Variants in TPRG1 observed in about 807,000 individuals in gnomAD.
TPRG1 encodes the protein tumor protein p63-regulated gene 1 protein.
TPRG1 carries 29 observed loss-of-function variants against 29.3 expected under a neutral mutation model. The observed-to-expected ratio is 0.99, with a 90% CI of 0.74 to 1.35. The LOEUF is 1.35. Ranked by LOEUF, TPRG1 falls within the 40% of genes most tolerant of loss-of-function variation. The pLI, the probability that TPRG1 is intolerant of heterozygous loss-of-function variation, is 0.00. For missense variants in TPRG1, 327 were observed against 335.0 expected (o/e 0.98, Z 0.19); for synonymous variants, 130 against 116.8 (o/e 1.11, Z -0.73).
chr3:189,278,433 C>T (rs1030284263), intron 4 of TPRG1, among the ~76,000 whole-genome samples: 7 of 152,102 alleles, frequency 4.6e-5, no homozygotes, highest in Non-Finnish European at 8.8e-5. Context: ...GATTGCTTTA[C>T]GTACTGTGAG....
chr3:189,252,413 T>C (rs1254784052), intron 4 of TPRG1, among the ~76,000 whole-genome samples: 2 of 152,200 alleles, frequency 1.3e-5, no homozygotes, highest in East Asian at 3.9e-4. Flanking sequence ...CCAGGGTAAC[T>C]AGTAGCTAGT....
chr3:189,146,336 A>G (rs1317383738), intron 3 of TPRG1, among the ~76,000 whole-genome samples: 2 of 152,244 alleles, frequency 1.3e-5, no homozygotes, highest in African/African-American at 4.8e-5. Context: ...AGGCGCCCGT[A>G]AGTCTCTCTG....
chr3:189,029,364 G>A (rs900326221), intron 4 of TPRG1, among the ~76,000 whole-genome samples: 4 of 152,102 alleles, frequency 2.6e-5, no homozygotes, highest in African/African-American at 9.7e-5. Flanking sequence ...ATAGAATGTC[G>A]ATGTTATAAA....
At position 189,286,368 on chromosome 3, in the gene TPRG1, CAGA is replaced by C. The variant is rs2109170254; in HGVS notation, c.480-24015_480-24013del. ...GTTCACTTCCTTCCTGTCTCCATGC[CAGA>C]AGGTAAGCTGTATGAGAACTGAGAT... On this transcript the variant is annotated intron_variant, in intron 4 of 5. Transcript: ENST00000345063. 2.0e-5 allele frequency among the ~76,000 whole-genome samples: 3 copies of C among 152,152 alleles called. No homozygotes were observed. In the South Asian group the frequency reaches 6.2e-4, roughly 32 times the overall value.
intron 4 of TPRG1, among the ~76,000 whole-genome samples, chr3:189,248,588 C>T (rs900752911): frequency 2.0e-5 from 3 of 150,892 alleles, no homozygotes; most frequent in Non-Finnish European, 4.4e-5. Flanking sequence ...AGCTTTCTGA[C>T]TCTTAAATTT....
intron 1 of TPRG1, among the ~76,000 whole-genome samples, chr3:189,116,647 G>C (rs776136129): frequency 2.6e-5 from 4 of 152,156 alleles, no homozygotes; most frequent in Non-Finnish European, 5.9e-5. Context: ...TGACTTGCAT[G>C]AACATTGGTG....
At chr3:189,292,495 A>G (rs1697608223) in intron 4 of TPRG1, among the ~76,000 whole-genome samples, 1 of 152,060 alleles carries the variant, frequency 6.6e-6, no homozygotes, top group African/African-American at 2.4e-5. Flanking sequence ...ATGAAATGGA[A>G]TAATAATAAT....
intron 1 of TPRG1, among the ~76,000 whole-genome samples, chr3:189,125,014 T>A (rs909161432): frequency 3.9e-5 from 6 of 152,250 alleles, no homozygotes; most frequent in African/African-American, 1.4e-4. Flanking sequence ...TTCAATTTAG[T>A]AGGTAATCTT....
chr3:189,013,269 A>G (rs567300305), intron 3 of TPRG1, among the ~76,000 whole-genome samples: 121 of 151,974 alleles, frequency 8.0e-4, no homozygotes, highest in Non-Finnish European at 1.4e-3. Context: ...CCTTAATTTC[A>G]TTATTTACCC....
intron 2 of TPRG1, chr3:189,132,388 T>C (rs901505348): frequency 7.2e-5 from 11 of 152,200 alleles, no homozygotes; most frequent in African/African-American, 2.7e-4. Context: ...TTTCTCTCTC[T>C]CCTTATACAG....
chr3:189,216,578 A>G (rs1410845644), intron 3 of TPRG1, among the ~76,000 whole-genome samples: 9 of 152,212 alleles, frequency 5.9e-5, no homozygotes, highest in Non-Finnish European at 1.0e-4. Context: ...GGCCCAAATG[A>G]GATAACGTTG....
At chr3:189,096,028 T>C (rs1718653938), upstream of TPRG1, among the ~76,000 whole-genome samples, 1 of 152,176 alleles carries the variant, frequency 6.6e-6, no homozygotes, top group Non-Finnish European at 1.5e-5. Context: ...ACTGTGGGAA[T>C]TGGAAACGAT....
chr3:189,101,601 G>A (rs1719211282), intron 1 of TPRG1, among the ~76,000 whole-genome samples: 2 of 151,610 alleles, frequency 1.3e-5, no homozygotes, highest in African/African-American at 2.4e-5. Flanking sequence ...GTCAATATTC[G>A]GGACCATCCA....
chr3:189,015,844 G>A (rs1378268223), intron 3 of TPRG1, among the ~76,000 whole-genome samples: 2 of 152,130 alleles, frequency 1.3e-5, no homozygotes, highest in East Asian at 3.9e-4. Context: ...GAGGATTTAT[G>A]GAAACAAATG....
intron 4 of TPRG1, among the ~76,000 whole-genome samples, chr3:189,292,292 C>CTTTTTTTTT (rs11459415): frequency 1.2e-4 from 14 of 114,850 alleles, no homozygotes; most frequent in Non-Finnish European, 1.8e-4. Flanking sequence ...GAAGTTTTTG[C>CTTTTTTTTT]TTTTTTTTTT....
At chr3:189,014,343 T>G (rs1002257368) in intron 3 of TPRG1, among the ~76,000 whole-genome samples, 1 of 152,166 alleles carries the variant, frequency 6.6e-6, no homozygotes, top group African/African-American at 2.4e-5. Context: ...GCCCCCTATC[T>G]CTTCTGGCTT....
chr3:189,318,034 G>A (rs1427597518), intron 5 of TPRG1, among the ~76,000 whole-genome samples: 1 of 152,118 alleles, frequency 6.6e-6, no homozygotes, highest in Non-Finnish European at 1.5e-5. Context: ...AAATATGCAA[G>A]GATGATATAT....
chr3:189,040,556 T>A (rs1311260119), intron 4 of TPRG1, among the ~76,000 whole-genome samples: 2 of 152,010 alleles, frequency 1.3e-5, no homozygotes, highest in Admixed American at 1.3e-4. Flanking sequence ...GCTCTTGGCA[T>A]CTCTCAGTGG....
intron 4 of TPRG1, among the ~76,000 whole-genome samples, chr3:189,239,560 G>A (rs1277587349): frequency 1.3e-5 from 2 of 152,158 alleles, no homozygotes; most frequent in South Asian, 4.1e-4. Context: ...TGTGTGTCAC[G>A]TAATCAGAGA....
Sources: allele counts gnomAD v4.1 joint callset (sites outside exome capture counted in the v4.1 genomes callset), GRCh38; gene constraint gnomAD v4.1.1; transcripts MANE v1.5; gene names NCBI Gene and HGNC (gene_info 2026-07-23, HGNC 2026-07-21).